The following SS18 variants were observed in gnomAD, a reference collection of about 807,000 sequenced individuals.
SS18 encodes protein SSXT.
A neutral mutation model predicts 72.5 loss-of-function variants in SS18; 28 were observed. The ratio of observed to expected loss-of-function variants is 0.39; its 90% CI spans 0.29 to 0.53. The LOEUF (loss-of-function observed/expected upper bound fraction) is 0.53, where lower values mean the gene tolerates loss of function less well. Ranked by LOEUF, SS18 falls within the 20% of genes least tolerant of loss-of-function variation. The pLI is 0.76. For synonymous variants in SS18, 172 were observed against 164.2 expected (o/e 1.05, Z -0.37); for missense variants, 518 against 535.3 (o/e 0.97, Z 0.32).
At chr18:26,080,445 T>C (rs909814507) in intron 2 of SS18, 2 of 908,460 alleles carry the variant, frequency 2.2e-6, no homozygotes, top group Non-Finnish European at 2.6e-6. Context: ...AATTTTAGTA[T>C]CATGTTGATT....
At chr18:26,053,247 T>C (rs532849073) in intron 4 of SS18, among the ~76,000 whole-genome samples, 35 of 152,208 alleles carry the variant, frequency 2.3e-4, no homozygotes, top group South Asian at 4.1e-4. Flanking sequence ...TAGTGAGCAA[T>C]AGAAAACTAA....
chr18:26,036,666 C>T (rs2053631370), intron 7 of SS18, among the ~76,000 whole-genome samples: 1 of 151,952 alleles, frequency 6.6e-6, no homozygotes, highest in Non-Finnish European at 1.5e-5. Context: ...TAGGAAATAA[C>T]CTTTTAGTTA....
intron 5 of SS18, among the ~76,000 whole-genome samples, chr18:26,049,668 G>A (rs1463863228): frequency 2.0e-5 from 3 of 151,970 alleles, no homozygotes; most frequent in South Asian, 2.1e-4. Flanking sequence ...AAGCTACCAC[G>A]CCCAGCTAAT....
upstream of SS18, chr18:26,090,792 T>C (rs888659798): frequency 1.7e-6 from 1 of 588,490 alleles, no homozygotes; most frequent in Non-Finnish European, 3.0e-6. Context: ...GGCCGAACTT[T>C]CTTGACCGTC....
chr18:26,056,650 C>T (rs570816857), intron 4 of SS18, among the ~76,000 whole-genome samples: 2 of 152,298 alleles, frequency 1.3e-5, no homozygotes, highest in South Asian at 2.1e-4. Context: ...TCAACACAAT[C>T]GGCTACAGAA....
chr18:26,082,537 C>CA (rs1244491644), intron 2 of SS18: 5 of 983,616 alleles, frequency 5.1e-6, no homozygotes, highest in Non-Finnish European at 6.0e-6. Context: ...CCCTAAAATG[C>CA]AAAAAATAAG....
At chr18:26,044,410 G>A (rs2053783905) in intron 5 of SS18, among the ~76,000 whole-genome samples, 1 of 148,612 alleles carries the variant, frequency 6.7e-6, no homozygotes, top group South Asian at 2.1e-4. Context: ...TGCAACCTCC[G>A]CCTCCCAGGT....
intron 3 of SS18, among the ~76,000 whole-genome samples, chr18:26,063,343 C>T (rs1414880315): frequency 6.6e-6 from 1 of 152,040 alleles, no homozygotes; most frequent in Non-Finnish European, 1.5e-5. Context: ...CAAGGTGAAA[C>T]CCTGCCTCTA....
At chr18:26,090,916 C>G, upstream of SS18, 8 of 360,720 alleles carry the variant, frequency 2.2e-5, no homozygotes, top group Non-Finnish European at 3.5e-5. Flanking sequence ...CCCGCCGCCG[C>G]GGGAGAAGGA....
intron 10 of SS18, among the ~76,000 whole-genome samples, chr18:26,027,558 G>A (rs992686282): frequency 2.0e-5 from 3 of 150,950 alleles, no homozygotes; most frequent in Admixed American, 6.6e-5. Context: ...TGTAGTCCTC[G>A]TTACTCATGA....
At chr18:26,068,665 T>C (rs1408738131) in intron 3 of SS18, 1 of 152,134 alleles carries the variant, frequency 6.6e-6, no homozygotes, top group Non-Finnish European at 1.5e-5. Flanking sequence ...TCATCTTTAC[T>C]AAAGCGTGTG....
In SS18 at chr18:26,018,124, C is replaced by A; in HGVS notation, c.*230G>T. The stretch of plus-strand genomic sequence containing the variant: ...TTGGTTATGTCATTGCATTTTCTGT[C>A]CAATGTTGCCATCTAGAGTAGAAAT... On this transcript the variant is annotated 3_prime_UTR_variant, in exon 11 of 11. Coordinates refer to ENST00000415083, the MANE Select transcript of SS18 (RefSeq NM_001007559.3). 1 of 414,808 alleles carries A rather than the reference C, an allele frequency of 2.4e-6. No homozygotes were observed. The highest frequency in any genetic ancestry group is 4.3e-6 in the Non-Finnish European group (1 of 231,234). The allele number at this position is 414,808 out of a possible 1,614,324, so 25.7% of individuals were successfully genotyped here.
chr18:26,026,201 T>C lies in SS18; in HGVS notation c.1230+6198A>G, dbSNP rs183930928. Among the ~76,000 whole-genome samples, 197 of 152,310 alleles carry C rather than the reference T, an allele frequency of 1.3e-3. 1 individual carries two copies. Among genetic ancestry groups the C allele is most frequent in the African/African-American group, 4.2e-3 (176 of 41,560 alleles). ...TATAGAGGTGGGGGGTCTTGCTTTGTTGCCCAGACTGGTCTTGAACTCCTG... is the reference window on the plus strand; with the variant it reads ...TATAGAGGTGGGGGGTCTTGCTTTGCTGCCCAGACTGGTCTTGAACTCCTG... On this transcript the variant is annotated intron_variant, in intron 10 of 10. Transcript: ENST00000415083.
chr18:26,039,168 C>CAAAAAAAAA, intron 6 of SS18, 121 bp downstream of exon 6: 1 of 249,730 alleles, frequency 4.0e-6, no homozygotes, highest in East Asian at 6.4e-5. Flanking sequence ...TACCTTTTGT[C>CAAAAAAAAA]AAAAAAAAAA....
intron 5 of SS18, among the ~76,000 whole-genome samples, chr18:26,041,832 T>A (rs948339739): frequency 6.6e-6 from 1 of 152,160 alleles, no homozygotes; most frequent in Non-Finnish European, 1.5e-5. Context: ...AAGCCCTAGA[T>A]AGAAAAGACC....
chr18:26,087,485 T>C lies in SS18; in HGVS notation c.146+16A>G. The C allele has an allele frequency of 6.7e-7, 1 of 1,496,592 alleles. No individual in the cohort carries two copies. The highest frequency in any genetic ancestry group is 2.1e-5 in the Admixed American group (1 of 48,564). The allele number at this position is 1,496,592 out of a possible 1,614,324, so 92.7% of individuals were successfully genotyped here. A position where few individuals can be genotyped will look rare whatever the true frequency, so the allele number is the denominator to read the frequency against. On this transcript the variant is annotated intron_variant, in intron 2 of 10. Transcript: ENST00000415083. ...ACAAAAAACTGAATAAAAAAAAAGTTTCTTATCAATCTTACTGAGAACACT... is the reference window on the plus strand; with the variant it reads ...ACAAAAAACTGAATAAAAAAAAAGTCTCTTATCAATCTTACTGAGAACACT...
At chr18:26,056,983 A>G (rs1267193786) in intron 4 of SS18, among the ~76,000 whole-genome samples, 1 of 152,234 alleles carries the variant, frequency 6.6e-6, no homozygotes, top group African/African-American at 2.4e-5. Flanking sequence ...AATAGAAAAG[A>G]GAATGGCTCA....
At chr18:26,047,575 T>C (rs931283747) in intron 5 of SS18, among the ~76,000 whole-genome samples, 6 of 152,078 alleles carry the variant, frequency 3.9e-5, no homozygotes, top group African/African-American at 7.2e-5. Context: ...TGGTGGCTCA[T>C]GCCTGTCTGT....
Position 26,035,239 on chromosome 18 carries a change from A to G in SS18, c.974-112T>C. 7.9e-7 allele frequency: 1 copy of G among 1,267,526 alleles called. No homozygotes were observed. Among genetic ancestry groups the G allele is most frequent in the Non-Finnish European group, 1.1e-6 (1 of 932,050 alleles). The allele number at this position is 1,267,526 out of a possible 1,614,324, so 78.5% of individuals were successfully genotyped here. A position where few individuals can be genotyped will look rare whatever the true frequency, so the allele number is the denominator to read the frequency against. ...AAGAACAAAATGAAATGCCATATTGATTTTTAGAAGTTAACAAAACAAAGA... is the reference window on the plus strand; with the variant it reads ...AAGAACAAAATGAAATGCCATATTGGTTTTTAGAAGTTAACAAAACAAAGA... On this transcript the variant is annotated intron_variant, in intron 8 of 10. Coordinates refer to ENST00000415083, the MANE Select transcript of SS18 (RefSeq NM_001007559.3). The surrounding 1 kb of genome is among the most constrained non-coding windows in gnomAD (Gnocchi z 4.4).
Sources: allele counts gnomAD v4.1 joint callset (sites outside exome capture counted in the v4.1 genomes callset), GRCh38; gene constraint gnomAD v4.1.1; non-coding constraint Gnocchi (gnomAD v3.1); transcripts MANE v1.5; gene names NCBI Gene and HGNC (gene_info 2026-07-23, HGNC 2026-07-21).